Variants in GPBP1 observed in about 807,000 individuals in gnomAD.
GPBP1 encodes the protein vasculin.
GPBP1 carries 13 observed loss-of-function variants against 56.5 expected under a neutral mutation model. That is an observed-to-expected ratio of 0.23 (90% CI 0.15 to 0.37). The LOEUF is 0.37. Ranked by LOEUF, GPBP1 falls within the 10% of genes least tolerant of loss-of-function variation. The pLI, the probability that GPBP1 is intolerant of heterozygous loss-of-function variation, is 1.00. For missense variants in GPBP1, 477 were observed against 572.3 expected, an observed-to-expected ratio of 0.83 and a Z score of 1.70; for synonymous variants, 204 against 188.9, an observed-to-expected ratio of 1.08 and a Z score of -0.66.
chr5:57,185,277 T>TTA (rs1174434160), intron 2 of GPBP1, among the ~76,000 whole-genome samples: 7 of 148,814 alleles, frequency 4.7e-5, no homozygotes, highest in African/African-American at 1.7e-4. Flanking sequence ...TTTTTTTTTT[T>TTA]AAAGACAGAG....
chr5:57,183,765 A>ATTTT (rs34608817), intron 2 of GPBP1, among the ~76,000 whole-genome samples: 45 of 133,280 alleles, frequency 3.4e-4, no homozygotes, highest in Non-Finnish European at 4.2e-4. Flanking sequence ...GGGGATATGA[A>ATTTT]TTTTTTTTTT....
At chr5:57,243,468 C>T (rs1326403093) in intron 6 of GPBP1, among the ~76,000 whole-genome samples, 1 of 152,062 alleles carries the variant, frequency 6.6e-6, no homozygotes. Context: ...ACTCTGCTAC[C>T]TACTCTTCTG....
Position 57,180,498 on chromosome 5 carries a change from CAACGTTTAGATCTATCAATGTTTAGGT to C in GPBP1, c.-58+4111_-58+4137del, listed in dbSNP as rs1245349200. ...AAATGTTTATCAAATGTTTAGGTAA[CAACGTTTAGATCTATCAATGTTTAGGT>C]AACGTTTAGATCCAGGTAAGGTACT... On this transcript the variant is annotated intron_variant, in intron 2 of 11. Coordinates refer to ENST00000506184, the MANE Select transcript of GPBP1 (RefSeq NM_022913.4). Among the ~76,000 whole-genome samples, 11 of 152,146 alleles carry C rather than the reference CAACGTTTAGATCTATCAATGTTTAGGT, an allele frequency of 7.2e-5. No homozygotes were observed. In the East Asian group the frequency reaches 1.5e-3, roughly 21 times the overall value.
At chr5:57,211,191 G>T (rs1218798951) in intron 2 of GPBP1, among the ~76,000 whole-genome samples, 1 of 150,516 alleles carries the variant, frequency 6.6e-6, no homozygotes, top group African/African-American at 2.4e-5. Flanking sequence ...TTCAGAACAT[G>T]AGTTAACTTC....
rs879122537 is a variant in GPBP1 at position 57,250,941 on chromosome 5, C to A, written c.973-13C>A. 5 of 1,387,696 alleles carry A rather than the reference C, an allele frequency of 3.6e-6. No individual in the cohort carries two copies. The highest frequency in any genetic ancestry group is 2.4e-5 in the Admixed American group (1 of 40,848). The allele number at this position is 1,387,696 out of a possible 1,614,324, so 86.0% of individuals were successfully genotyped here. A position where few individuals can be genotyped will look rare whatever the true frequency, so the allele number is the denominator to read the frequency against. On this transcript the variant is annotated splice_polypyrimidine_tract_variant and intron_variant, in intron 9 of 11. Transcript: ENST00000506184. ...CTCATTCTTTTTTTTTTTTTTAACT[C>A]TCTAAAAATCAGGATGACGACTCAT...
At chr5:57,246,600 T>C (rs112442800) in intron 7 of GPBP1, 116 bp downstream of exon 7, 1 of 746,406 alleles carries the variant, frequency 1.3e-6, no homozygotes, top group Non-Finnish European at 2.1e-6. Flanking sequence ...GGGTGCTGAG[T>C]TCTAGGTGGC....
chr5:57,181,753 T>C (rs1338914238), intron 2 of GPBP1, among the ~76,000 whole-genome samples: 2 of 152,170 alleles, frequency 1.3e-5, no homozygotes, highest in Non-Finnish European at 2.9e-5. Flanking sequence ...TTCTTTGAAA[T>C]TGATAATTTT....
intron 10 of GPBP1, among the ~76,000 whole-genome samples, chr5:57,253,106 A>C (rs558105218): frequency 6.6e-6 from 1 of 152,336 alleles, no homozygotes; most frequent in South Asian, 2.1e-4. Context: ...TTAGAATTGA[A>C]GAGTATTCAT....
chr5:57,235,823 G>A, intron 5 of GPBP1, 143 bp from the exon 6 acceptor site: 1 of 606,480 alleles, frequency 1.6e-6, no homozygotes, highest in Non-Finnish European at 2.8e-6. Context: ...TTCAGATTTT[G>A]TAGCTTTTCA....
intron 5 of GPBP1, among the ~76,000 whole-genome samples, chr5:57,232,765 G>A (rs1181985599): frequency 6.6e-6 from 1 of 152,162 alleles, no homozygotes; most frequent in African/African-American, 2.4e-5. Flanking sequence ...AACTGGTGGC[G>A]AGTGTGTCCT....
intron 11 of GPBP1, among the ~76,000 whole-genome samples, chr5:57,262,299 A>G (rs1263037977): frequency 6.6e-6 from 1 of 152,194 alleles, no homozygotes; most frequent in Non-Finnish European, 1.5e-5. Context: ...AGGTCAGAAT[A>G]ATAAAAATAA....
At chr5:57,182,974 C>T (rs758203712) in intron 2 of GPBP1, among the ~76,000 whole-genome samples, 5 of 152,220 alleles carry the variant, frequency 3.3e-5, no homozygotes, top group Non-Finnish European at 7.3e-5. Context: ...TGAGCCACTG[C>T]GTCTGGCCCC....
chr5:57,235,707 A>AT (rs763798663), intron 5 of GPBP1, among the ~76,000 whole-genome samples: 166 of 152,120 alleles, frequency 1.1e-3, no homozygotes, highest in Non-Finnish European at 1.8e-3. Context: ...TGGATTTTGG[A>AT]TTTTTTTCAG....
At chr5:57,240,841 G>A (rs1238077264) in intron 6 of GPBP1, among the ~76,000 whole-genome samples, 1 of 151,858 alleles carries the variant, frequency 6.6e-6, no homozygotes, top group Non-Finnish European at 1.5e-5. Context: ...GGGTGTGGTG[G>A]CACATGCCTG....
At chr5:57,178,537 C>T (rs13355404) in intron 2 of GPBP1, among the ~76,000 whole-genome samples, 15,516 of 152,192 alleles carry the variant, frequency 0.1, 876 homozygotes, top group South Asian at 0.13. Context: ...TGAGCCACTG[C>T]GTCCAGCCTT....
intron 8 of GPBP1, 72 bp downstream of exon 8, chr5:57,247,287 A>C (rs1741138797): frequency 7.5e-6 from 9 of 1,206,710 alleles, no homozygotes; most frequent in Non-Finnish European, 1.0e-5. Flanking sequence ...AATAAAAGGT[A>C]GAAATTCATT....
At chr5:57,240,395 CTT>C (rs201954359) in intron 6 of GPBP1, among the ~76,000 whole-genome samples, 1,749 of 152,290 alleles carry the variant, frequency 0.011, 31 homozygotes, top group African/African-American at 0.04. Flanking sequence ...GATGATGACT[CTT>C]GACGTCACTT....
At chr5:57,204,856 T>C (rs140614954) in intron 2 of GPBP1, among the ~76,000 whole-genome samples, 1 of 152,222 alleles carries the variant, frequency 6.6e-6, no homozygotes, top group Non-Finnish European at 1.5e-5. Context: ...TAGAATAACC[T>C]GTTTCCTAAA....
intron 2 of GPBP1, among the ~76,000 whole-genome samples, chr5:57,184,213 C>T (rs1251413272): frequency 6.6e-6 from 1 of 151,962 alleles, no homozygotes; most frequent in Non-Finnish European, 1.5e-5. Flanking sequence ...ACCTGGGTGA[C>T]AGATTGAGAC....
Sources: gnomAD v4.1 joint callset for allele counts (sites outside exome capture counted in the v4.1 genomes callset) on GRCh38, gnomAD v4.1.1 for gene constraint, MANE v1.5 for transcripts, NCBI Gene and HGNC (gene_info 2026-07-23, HGNC 2026-07-21) for gene names.